NSUN7: variants seen among roughly 807,000 people sequenced by gnomAD.
NSUN7 encodes protein NSUN7.
In NSUN7, 39 loss-of-function variants were observed where a neutral mutation model predicts 58.5. The observed-to-expected ratio is 0.67, with a 90% CI of 0.52 to 0.87. The LOEUF is 0.87. Among genes scored for constraint, NSUN7 ranks in the 40% least tolerant of loss-of-function variants. NSUN7 has a pLI of 0.00. For missense variants in NSUN7, 765 were observed against 844.1 expected (o/e 0.91, Z 1.16); for synonymous variants, 278 against 303.7 (o/e 0.92, Z 0.88).
intron 2 of NSUN7, among the ~76,000 whole-genome samples, chr4:40,755,881 G>A (rs930866782): frequency 5.9e-5 from 9 of 152,276 alleles, no homozygotes; most frequent in East Asian, 3.9e-4. Context: ...TATGGAGAGC[G>A]CTTAATTCTC....
intron 2 of NSUN7, among the ~76,000 whole-genome samples, chr4:40,759,891 AT>A (rs2154286693): frequency 6.6e-6 from 1 of 152,234 alleles, no homozygotes; most frequent in South Asian, 2.1e-4. Context: ...AAATACAAAA[AT>A]TAGCCAGGTG....
intron 4 of NSUN7, 139 bp from the exon 5 acceptor site, chr4:40,774,126 T>G: frequency 1.2e-6 from 1 of 811,512 alleles, no homozygotes; most frequent in Non-Finnish European, 2.0e-6. Context: ...ATATGACACA[T>G]TTTTATTTTA....
At chr4:40,782,319 G>T (rs1742612744) in intron 7 of NSUN7, among the ~76,000 whole-genome samples, 3 of 152,000 alleles carry the variant, frequency 2.0e-5, no homozygotes, top group Admixed American at 2.0e-4. Flanking sequence ...TGTGGCTTAT[G>T]TGGGAGGCTG....
At chr4:40,805,568 C>T (rs1433803963) in intron 10 of NSUN7, among the ~76,000 whole-genome samples, 1 of 152,196 alleles carries the variant, frequency 6.6e-6, no homozygotes, top group Non-Finnish European at 1.5e-5. Flanking sequence ...TGGGACCTAT[C>T]CTACATCTGC....
chr4:40,775,130 G>A lies in NSUN7; in HGVS notation c.825+180G>A, dbSNP rs13106136. On this transcript the variant is annotated intron_variant, in intron 6 of 11. Transcript: ENST00000381782. The surrounding 1 kb of genome is among the most constrained non-coding windows in gnomAD (Gnocchi z 4.3). ...TCTACAATCAGTGCATCTGGTTGGC[G>A]TCTTTGTCTCATGTGAATTTATAAA... is the stretch of plus-strand genomic sequence containing the variant. The A allele has an allele frequency of 0.79, 261,220 of 331,650 alleles. 103,820 individuals are homozygous for A. Among genetic ancestry groups the A allele is most frequent in the Admixed American group, 0.84 (17,466 of 20,794 alleles). 20.5% of individuals were successfully genotyped at this position (331,650 alleles called of 1,614,324 possible).
chr4:40,753,618 T>A (rs1740946851), intron 2 of NSUN7, among the ~76,000 whole-genome samples: 1 of 152,240 alleles, frequency 6.6e-6, no homozygotes, highest in African/African-American at 2.4e-5. Context: ...TCTTGAAACG[T>A]TCGTTTTTAT....
At chr4:40,763,006 C>T (rs1330690618) in intron 4 of NSUN7, among the ~76,000 whole-genome samples, 4 of 151,362 alleles carry the variant, frequency 2.6e-5, no homozygotes, top group Non-Finnish European at 4.4e-5. Context: ...TTGTCTTCCA[C>T]GAAACTGGTC....
chr4:40,752,823 T>TAGCTTAA (rs1740905654), intron 2 of NSUN7, among the ~76,000 whole-genome samples: 3 of 8,542 alleles, frequency 3.5e-4, no homozygotes, highest in Non-Finnish European at 5.0e-4. Context: ...CTGCAGAGAG[T>TAGCTTAA]CTCTTTGTTT....
intron 7 of NSUN7, chr4:40,785,978 C>T (rs1323457691): frequency 1.8e-5 from 22 of 1,250,984 alleles, no homozygotes; most frequent in African/African-American, 6.1e-5. Context: ...GCCTCCCCAG[C>T]GGCTGGGAGA....
intron 4 of NSUN7, 148 bp downstream of exon 4, chr4:40,761,449 A>G (rs2154286808): frequency 1.6e-6 from 1 of 611,252 alleles, no homozygotes; most frequent in Admixed American, 3.7e-5. Flanking sequence ...TTTCTTTACA[A>G]ACAGTCTTGA....
chr4:40,796,236 C>T (rs1250690957), intron 9 of NSUN7, among the ~76,000 whole-genome samples: 1 of 152,172 alleles, frequency 6.6e-6, no homozygotes, highest in Non-Finnish European at 1.5e-5. Context: ...TGCCTGTAGT[C>T]CCAGCTACTT....
rs760151664 is a variant in NSUN7 at position 40,761,153 on chromosome 4, T to A, written c.358-18T>A. 5.8e-5 allele frequency: 90 copies of A among 1,553,850 alleles called. No homozygotes were observed. The East Asian group carries it at 2.0e-3, about 35-fold the overall frequency. ...TATTGTTTGTATACTTTTCTTTATA[T>A]ATGTTTTCCCTTGTTAGCCAGATCA... On this transcript the variant is annotated intron_variant, in intron 3 of 11. Transcript: ENST00000381782.
rs1743967496 is a variant in NSUN7 at position 40,808,435 on chromosome 4, A to G, written c.1653A>G (p.Ser551=). 1.2e-6 allele frequency: 2 copies of G among 1,610,308 alleles called. No individual in the cohort carries two copies. Among genetic ancestry groups the G allele is most frequent in the East Asian group, 4.5e-5 (2 of 44,844 alleles). ...AGAAGAAGAAAAAATCAAAAACATC[A>G]TTGACAAAAGGTGCCACTACTGATA... is the stretch of plus-strand genomic sequence containing the variant. ...REKKKKKSKT[S]LTKGATTDNG... The change falls in exon 12 of 12, where the codon TCA becomes TCG. Residue 551 remains serine, a synonymous_variant. Coordinates refer to ENST00000381782, the MANE Select transcript of NSUN7 (RefSeq NM_024677.6).
At chr4:40,791,444 A>G (rs1005528091) in intron 8 of NSUN7, among the ~76,000 whole-genome samples, 3 of 152,156 alleles carry the variant, frequency 2.0e-5, no homozygotes, top group African/African-American at 4.8e-5. Context: ...GTTAACTTCT[A>G]TTTTACAAAT....
At chr4:40,807,019 A>C in intron 10 of NSUN7, 42 bp from the exon 11 acceptor site, 1 of 1,540,490 alleles carries the variant, frequency 6.5e-7, no homozygotes, top group East Asian at 2.5e-5. Flanking sequence ...CTTGGCAAAG[A>C]AGCCATTCTA....
At position 40,750,685 on chromosome 4, in the gene NSUN7, G is replaced by A. The variant is rs372169126; in HGVS notation, c.-9G>A. On this transcript the variant is annotated 5_prime_UTR_variant, in exon 2 of 12. Transcript: ENST00000381782. ...AGGGTGAAGGACTCACGACAGGCGA[G>A]GGGCAGACATGCTGAATTCCACGGG... 1.9e-6 allele frequency: 3 copies of A among 1,611,416 alleles called. No homozygotes were observed. The highest frequency in any genetic ancestry group is 2.5e-6 in the Non-Finnish European group (3 of 1,178,622).
At chr4:40,785,152 C>A (rs1295335859) in intron 7 of NSUN7, among the ~76,000 whole-genome samples, 1 of 151,576 alleles carries the variant, frequency 6.6e-6, no homozygotes, top group Non-Finnish European at 1.5e-5. Context: ...CCTCCCACTT[C>A]AGCATCCCAA....
intron 5 of NSUN7, 145 bp downstream of exon 5, chr4:40,774,562 C>A: frequency 1.3e-6 from 1 of 793,520 alleles, no homozygotes; most frequent in Non-Finnish European, 2.0e-6. Context: ...GAGCTTATGA[C>A]CAAATTACCA....
rs1743846125 is a variant in NSUN7 at position 40,807,288 on chromosome 4, T to G, written c.1524+104T>G. On this transcript the variant is annotated intron_variant, in intron 11 of 11. Coordinates refer to ENST00000381782, the MANE Select transcript of NSUN7 (RefSeq NM_024677.6). Reference sequence around the variant, plus strand: ...TTTGCACATTCTGTAAAGATGTGTTTGCATTTCACAAACACATTTCAGCTG... The same window carrying G: ...TTTGCACATTCTGTAAAGATGTGTTGGCATTTCACAAACACATTTCAGCTG... 4 of 1,054,532 alleles carry G rather than the reference T, an allele frequency of 3.8e-6. No homozygotes were observed. The Admixed American group carries it at 1.2e-4, about 32-fold the overall frequency. The allele number at this position is 1,054,532 out of a possible 1,614,324, so 65.3% of individuals were successfully genotyped here. A position where few individuals can be genotyped will look rare whatever the true frequency, so the allele number is the denominator to read the frequency against.
Sources: allele counts gnomAD v4.1 joint callset (sites outside exome capture counted in the v4.1 genomes callset), GRCh38; gene constraint gnomAD v4.1.1; non-coding constraint Gnocchi (gnomAD v3.1); transcripts MANE v1.5; gene names NCBI Gene and HGNC (gene_info 2026-07-23, HGNC 2026-07-21).